Variants in PHF2 observed in about 807,000 individuals in gnomAD.
The protein encoded by PHF2 is PHD finger protein 2.
Under a neutral mutation model 120.5 loss-of-function variants are expected in PHF2, and 27 were observed. The ratio of observed to expected loss-of-function variants is 0.22; its 90% CI spans 0.17 to 0.31. The LOEUF (loss-of-function observed/expected upper bound fraction) is 0.31, where lower values mean the gene tolerates loss of function less well. PHF2 is among the 10% of genes least tolerant of loss of function. The pLI is 1.00. For missense variants in PHF2, 1,024 were observed against 1,434.8 expected (o/e 0.71, Z 4.63); for synonymous variants, 568 against 592.5 (o/e 0.96, Z 0.60).
intron 4 of PHF2, among the ~76,000 whole-genome samples, chr9:93,648,441 C>T (rs1221302809): frequency 1.3e-5 from 2 of 152,216 alleles, no homozygotes; most frequent in African/African-American, 2.4e-5. Flanking sequence ...GCATCCACCT[C>T]ATCTGTCCAC....
intron 19 of PHF2, among the ~76,000 whole-genome samples, 173 bp from the exon 20 acceptor site, chr9:93,675,507 G>T (rs1194250906): frequency 6.6e-6 from 1 of 152,264 alleles, no homozygotes; most frequent in Admixed American, 6.5e-5. Flanking sequence ...TCCCCCTTGG[G>T]TGGGGCAGCT....
intron 14 of PHF2, among the ~76,000 whole-genome samples, chr9:93,664,981 C>T (rs967072345): frequency 3.9e-5 from 6 of 152,246 alleles, no homozygotes; most frequent in Non-Finnish European, 8.8e-5. Flanking sequence ...AAGTTCCAGA[C>T]TTTTCTGCCT....
At chr9:93,636,336 G>C in intron 2 of PHF2, 75 bp from the exon 3 acceptor site, 1 of 1,201,236 alleles carries the variant, frequency 8.3e-7, no homozygotes, top group Non-Finnish European at 1.2e-6. Context: ...GGTGGGCCAA[G>C]GTTCTTAGGG....
At chr9:93,649,622 C>G (rs981816143) in intron 5 of PHF2, among the ~76,000 whole-genome samples, 1 of 152,010 alleles carries the variant, frequency 6.6e-6, no homozygotes, top group African/African-American at 2.4e-5. Context: ...CACTTCCGGA[C>G]ACACAACATT....
At chr9:93,654,706 C>A in intron 7 of PHF2, 131 bp downstream of exon 7, 1 of 888,702 alleles carries the variant, frequency 1.1e-6, no homozygotes, top group Non-Finnish European at 1.8e-6. Context: ...GCTCCCTTGT[C>A]CTGAGCATAT....
chr9:93,675,625 G>A (rs1463552053), intron 19 of PHF2, 55 bp from the exon 20 acceptor site: 1 of 1,396,890 alleles, frequency 7.2e-7, no homozygotes, highest in Non-Finnish European at 1.0e-6. Flanking sequence ...CAAACCAGGA[G>A]GGGTGGACAG....
At chr9:93,602,404 C>A (rs1200865103) in intron 1 of PHF2, among the ~76,000 whole-genome samples, 1 of 151,768 alleles carries the variant, frequency 6.6e-6, no homozygotes. Context: ...AGGCACACAC[C>A]GCCACGCCTG....
At chr9:93,666,089 C>T (rs764715698) in intron 16 of PHF2, 29 bp downstream of exon 16, 1 of 1,602,274 alleles carries the variant, frequency 6.2e-7, no homozygotes, top group Admixed American at 1.7e-5. Flanking sequence ...CCCCCTCAGT[C>T]TCGGGGGGCA....
intron 1 of PHF2, among the ~76,000 whole-genome samples, chr9:93,581,204 G>T (rs1379460153): frequency 1.3e-5 from 2 of 152,044 alleles, no homozygotes; most frequent in Non-Finnish European, 2.9e-5. Flanking sequence ...GGCTCTCATT[G>T]TGCCCACCTA....
intron 17 of PHF2, among the ~76,000 whole-genome samples, chr9:93,668,731 T>C (rs936502966): frequency 1.3e-5 from 2 of 152,170 alleles, no homozygotes; most frequent in Non-Finnish European, 2.9e-5. Flanking sequence ...GACACACTGA[T>C]AACAAAAGAC....
At chr9:93,629,897 A>T in intron 1 of PHF2, 73 bp from the exon 2 acceptor site, 1 of 1,423,902 alleles carries the variant, frequency 7.0e-7, no homozygotes, top group Non-Finnish European at 9.9e-7. Flanking sequence ...GATTCTCCCT[A>T]GAGCTTCGCA....
intron 3 of PHF2, 76 bp downstream of exon 3, chr9:93,636,601 C>A: frequency 9.3e-7 from 1 of 1,075,930 alleles, no homozygotes; most frequent in Non-Finnish European, 1.4e-6. Flanking sequence ...GTCCCGCTAT[C>A]CATTGCTGGG....
chr9:93,664,855 C>T (rs1039960946), intron 14 of PHF2, among the ~76,000 whole-genome samples: 13 of 152,248 alleles, frequency 8.5e-5, no homozygotes, highest in African/African-American at 2.4e-4. Context: ...CGGCCCAGCC[C>T]GTAAGGCAGC....
chr9:93,630,119 T>C, intron 2 of PHF2, 64 bp downstream of exon 2: 1 of 1,500,350 alleles, frequency 6.7e-7, no homozygotes, highest in Non-Finnish European at 9.3e-7. Flanking sequence ...CTGCCTGGGC[T>C]GCGTGGAGGG....
intron 1 of PHF2, among the ~76,000 whole-genome samples, chr9:93,583,286 A>T (rs117750548): frequency 0.013 from 1,953 of 152,316 alleles, 23 homozygotes; most frequent in Middle Eastern, 0.027. Flanking sequence ...CATTGTGTGG[A>T]TAGACCACAG....
chr9:93,593,049 C>T (rs957452979), intron 1 of PHF2, among the ~76,000 whole-genome samples: 11 of 138,362 alleles, frequency 8.0e-5, no homozygotes, highest in Non-Finnish European at 1.7e-4. Context: ...TCCAGGTTTC[C>T]ACATCCTAAT....
chr9:93,603,241 G>C (rs1825478088), intron 1 of PHF2, among the ~76,000 whole-genome samples: 1 of 152,138 alleles, frequency 6.6e-6, no homozygotes, highest in Non-Finnish European at 1.5e-5. Flanking sequence ...ATCCCGGTCT[G>C]AGAAAAGACC....
chr9:93,620,191 C>T (rs1380589223), intron 1 of PHF2, among the ~76,000 whole-genome samples: 1 of 152,214 alleles, frequency 6.6e-6, no homozygotes, highest in Admixed American at 6.5e-5. Flanking sequence ...CTGCAGAGGG[C>T]TCCAGCTCCT....
intron 1 of PHF2, among the ~76,000 whole-genome samples, chr9:93,593,316 G>A (rs1825270799): frequency 6.6e-6 from 1 of 152,016 alleles, no homozygotes; most frequent in Non-Finnish European, 1.5e-5. Flanking sequence ...CTGAGGACAG[G>A]GCCCTCACCT....
Sources: gnomAD v4.1 joint callset for allele counts (sites outside exome capture counted in the v4.1 genomes callset) on GRCh38, gnomAD v4.1.1 for gene constraint, MANE v1.5 for transcripts, NCBI Gene and HGNC (gene_info 2026-07-23, HGNC 2026-07-21) for gene names.